The following TRIP11 variants were observed in gnomAD, a reference collection of about 807,000 sequenced individuals.
TRIP11 encodes thyroid hormone receptor interactor 11, also known as thyroid receptor-interacting protein 11.
A neutral mutation model predicts 223.1 loss-of-function variants in TRIP11; 148 were observed. That is an observed-to-expected ratio of 0.66 (90% CI 0.58 to 0.76). The LOEUF (loss-of-function observed/expected upper bound fraction) is 0.76. TRIP11 is among the 30% of genes least tolerant of loss of function. The pLI is 0.00. For synonymous variants in TRIP11, 762 were observed against 772.6 expected (o/e 0.99, Z 0.23); for missense variants, 2,043 against 2,222.0 (o/e 0.92, Z 1.62).
chr14:92,018,578 T>C (rs1566868267), intron 4 of TRIP11, among the ~76,000 whole-genome samples: 2 of 152,112 alleles, frequency 1.3e-5, no homozygotes, highest in African/African-American at 2.4e-5. Flanking sequence ...GAATAAAGTA[T>C]AATAGAAAAA....
chr14:92,017,239 A>T (rs951540484), intron 5 of TRIP11, among the ~76,000 whole-genome samples: 3 of 151,378 alleles, frequency 2.0e-5, no homozygotes, highest in Non-Finnish European at 2.9e-5. Flanking sequence ...AAAGAATATT[A>T]AAAAAAAATA....
At position 91,988,344 on chromosome 14, in the gene TRIP11, A is replaced by G. The variant is rs764978725; in HGVS notation, c.5200T>C (p.Ser1734Pro). The change falls in exon 16 of 21, where the codon TCA (serine) becomes CCA (proline). Residue 1734 changes from serine (S) to proline (P), a missense_variant. By Grantham distance (74) the Ser-to-Pro change is moderately conservative. Transcript: ENST00000267622. ...DEANAALDSASRLTEQLDVKE... is the reference protein window; with the variant it reads ...DEANAALDSAPRLTEQLDVKE... ...ACATCTAACTGTTCTGTAAGTCTTG[A>G]TGCTGAATCCAATGCAGCATTTGCT... The G allele has an allele frequency of 9.9e-6, 16 of 1,613,810 alleles. No individual in the cohort carries two copies. The South Asian group carries it at 1.8e-4, about 18-fold the overall frequency.
intron 4 of TRIP11, 121 bp downstream of exon 4, chr14:92,021,435 C>T (rs2057113275): frequency 1.2e-5 from 11 of 884,006 alleles, no homozygotes; most frequent in South Asian, 1.1e-4. Context: ...AATTAGAATA[C>T]ACCTTTTCTA....
chr14:91,977,796 G>A (rs575277388), intron 16 of TRIP11, among the ~76,000 whole-genome samples: 4 of 151,966 alleles, frequency 2.6e-5, no homozygotes, highest in Admixed American at 6.6e-5. Flanking sequence ...CCAAAATTCC[G>A]ATTTATGGTA....
Position 92,021,978 on chromosome 14 carries a change from T to C in TRIP11, c.313-147A>G, listed in dbSNP as rs17127868. On this transcript the variant is annotated intron_variant, in intron 3 of 20. Coordinates refer to ENST00000267622, the MANE Select transcript of TRIP11 (RefSeq NM_004239.4). ...CTATCAACTGAATCTAAGTCTTATATAACATTCTAACCATAACATTTTTAT... is the reference window on the plus strand; with the variant it reads ...CTATCAACTGAATCTAAGTCTTATACAACATTCTAACCATAACATTTTTAT... The C allele has an allele frequency of 2.1e-3, 1,693 of 798,938 alleles. 21 individuals carry two copies. The African/African-American group carries it at 0.025, about 12-fold the overall frequency. The allele number at this position is 798,938 out of a possible 1,614,324, so 49.5% of individuals were successfully genotyped here.
intron 2 of TRIP11, among the ~76,000 whole-genome samples, chr14:92,030,246 T>C (rs1051566887): frequency 1.4e-5 from 2 of 146,792 alleles, no homozygotes; most frequent in African/African-American, 5.0e-5. Flanking sequence ...GTGAATAATA[T>C]ATTTTTAAGA....
In TRIP11 at chr14:92,040,018, C is replaced by A; in HGVS notation, c.-333G>T. On this transcript the variant is annotated 5_prime_UTR_variant, in exon 1 of 21. Transcript: ENST00000267622. Reference sequence around the variant, plus strand: ...CCGTGGGTTACTCCTGCCAACTCGACGCCGGCCGCCATGACACTCGCTCGG... The same window carrying A: ...CCGTGGGTTACTCCTGCCAACTCGAAGCCGGCCGCCATGACACTCGCTCGG... The A allele has an allele frequency of 7.1e-6, 3 of 425,114 alleles. No homozygotes were observed. Among genetic ancestry groups the A allele is most frequent in the Non-Finnish European group, 1.3e-5 (3 of 227,700 alleles). 26.3% of individuals were successfully genotyped at this position (425,114 alleles called of 1,614,324 possible). A position where few individuals can be genotyped will look rare whatever the true frequency, so the allele number is the denominator to read the frequency against.
chr14:91,982,354 T>C (rs945694987), intron 16 of TRIP11, among the ~76,000 whole-genome samples: 25 of 152,146 alleles, frequency 1.6e-4, no homozygotes, highest in African/African-American at 6.0e-4. Context: ...ACAGAATATA[T>C]ATTTAATTTT....
intron 1 of TRIP11, among the ~76,000 whole-genome samples, chr14:92,034,009 GACTTTACCC>G (rs1458311224): frequency 6.6e-6 from 1 of 152,148 alleles, no homozygotes; most frequent in Non-Finnish European, 1.5e-5. Flanking sequence ...TTACCCAAGA[GACTTTACCC>G]CCACCTCCCT....
chr14:92,027,517 ATGT>A (rs1461490434), intron 2 of TRIP11, among the ~76,000 whole-genome samples: 2 of 152,144 alleles, frequency 1.3e-5, no homozygotes, highest in African/African-American at 4.8e-5. Context: ...GTGTGAGACA[ATGT>A]TGTCCAACAA....
chr14:92,027,006 G>A (rs2057197837), intron 2 of TRIP11: 13 of 677,808 alleles, frequency 1.9e-5, no homozygotes, highest in Non-Finnish European at 2.8e-5. Context: ...CCCGCCCACC[G>A]TGGGCAGTGC....
At position 92,003,483 on chromosome 14, in the gene TRIP11, A is replaced by C. The variant is rs759387598; in HGVS notation, c.4493T>G (p.Phe1498Cys). The change falls in exon 11 of 21, where the codon TTT becomes TGT. Residue 1498 changes from phenylalanine to cysteine, a missense_variant. By Grantham distance (205) the Phe-to-Cys change is radical (BLOSUM62 -2). Transcript: ENST00000267622. ...KFSMMLREKE[F>C]ECHSMKEKAL... is the part of the protein sequence containing the mutation. ...CTTCTCCTTCATTGAGTGGCACTCA[A>C]ACTCTTTTTCTCGCAGCATCATAGA... is the stretch of plus-strand genomic sequence containing the variant. 1 of 1,614,128 alleles carries C rather than the reference A, an allele frequency of 6.2e-7. No individual in the cohort carries two copies. The highest frequency in any genetic ancestry group is 8.5e-7 in the Non-Finnish European group (1 of 1,180,020).
intron 3 of TRIP11, among the ~76,000 whole-genome samples, chr14:92,024,976 T>C (rs1324558331): frequency 6.6e-6 from 1 of 152,132 alleles, no homozygotes; most frequent in African/African-American, 2.4e-5. Flanking sequence ...ATCAAGCACA[T>C]GCCAATACAA....
At chr14:91,977,639 C>A (rs1393424311) in intron 16 of TRIP11, among the ~76,000 whole-genome samples, 1 of 126,440 alleles carries the variant, frequency 7.9e-6, no homozygotes, top group African/African-American at 3.2e-5. Context: ...GCCTGGAAAG[C>A]TCTTTTCCAT....
chr14:92,024,868 T>C (rs891693778), intron 3 of TRIP11, among the ~76,000 whole-genome samples: 4 of 152,146 alleles, frequency 2.6e-5, no homozygotes, highest in African/African-American at 9.7e-5. Flanking sequence ...CAAAGATAAA[T>C]CAATTCCAAA....
At chr14:91,988,670 C>T (rs1384600386) in intron 15 of TRIP11, among the ~76,000 whole-genome samples, 1 of 140,042 alleles carries the variant, frequency 7.1e-6, no homozygotes, top group African/African-American at 2.6e-5. Context: ...ACATAAACTA[C>T]AAAAAAACAA....
At position 92,003,802 on chromosome 14, in the gene TRIP11, C is replaced by A. The variant is rs1314525163; in HGVS notation, c.4174G>T (p.Asp1392Tyr). The A allele has an allele frequency of 6.2e-7, 1 of 1,614,100 alleles. No homozygotes were observed. The highest frequency in any genetic ancestry group is 1.3e-5 in the African/African-American group (1 of 75,030). The change falls in exon 11 of 21, where the codon GAT becomes TAT. Residue 1392 changes from aspartate to tyrosine, a missense_variant. Physicochemically the swap from Asp to Tyr is radical, Grantham distance 160 (BLOSUM62 -3). Transcript: ENST00000267622. ...ELERKEHEQT[D>Y]SEIKQLKEKQ... ...TCCTTTAGCTGCTTGATTTCTGAAT[C>A]GGTTTGTTCGTGTTCTTTTCTTTCT...
chr14:91,980,768 T>C (rs2056527844), intron 16 of TRIP11, among the ~76,000 whole-genome samples: 3 of 151,894 alleles, frequency 2.0e-5, no homozygotes, highest in Admixed American at 2.0e-4. Flanking sequence ...TGATTTCACA[T>C]ACATATATAT....
intron 16 of TRIP11, among the ~76,000 whole-genome samples, chr14:91,986,031 C>G (rs1280757348): frequency 6.6e-6 from 1 of 152,102 alleles, no homozygotes; most frequent in South Asian, 2.1e-4. Context: ...ATAACAGAAC[C>G]AACTGTCTCT....
Sources: allele counts gnomAD v4.1 joint callset (sites outside exome capture counted in the v4.1 genomes callset), GRCh38; gene constraint gnomAD v4.1.1; transcripts MANE v1.5; gene names NCBI Gene and HGNC (gene_info 2026-07-23, HGNC 2026-07-21).